Variants in RAD9B observed in about 807,000 individuals in gnomAD.
RAD9B encodes the protein cell cycle checkpoint control protein RAD9B.
A neutral mutation model predicts 48.3 loss-of-function variants in RAD9B; 41 were observed. The observed-to-expected ratio is 0.85, with a 90% CI of 0.66 to 1.10. The LOEUF (loss-of-function observed/expected upper bound fraction) is 1.10, where lower values mean the gene tolerates loss of function less well. Ranked by LOEUF, RAD9B falls within the 50% of genes least tolerant of loss-of-function variation. The probability of loss-of-function intolerance (pLI) is 0.00; values close to 1 mark genes in which losing one functional copy is unlikely to be tolerated. For missense variants in RAD9B, 444 were observed against 485.1 expected (o/e 0.92, Z 0.80); for synonymous variants, 160 against 157.9 (o/e 1.01, Z -0.10).
chr12:110,510,986 G>A (rs2063440912), intron 4 of RAD9B, among the ~76,000 whole-genome samples: 1 of 151,840 alleles, frequency 6.6e-6, no homozygotes, highest in Non-Finnish European at 1.5e-5. Flanking sequence ...AAGAAGGAGG[G>A]AAGGAAGAGA....
intron 10 of RAD9B, among the ~76,000 whole-genome samples, chr12:110,528,552 C>T (rs1029747493): frequency 6.6e-6 from 1 of 152,188 alleles, no homozygotes; most frequent in African/African-American, 2.4e-5. Context: ...TCAGAGGCTG[C>T]TTAGAAGAGG....
At position 110,533,316 on chromosome 12, in the gene RAD9B, T is replaced by C. The variant is rs2064182496; in HGVS notation, c.*2663T>C. ...ATGTATTTACAGAACTATTCCTGCA[T>C]AAGTTATAATTCAGACATCCAAATT... On this transcript the variant is annotated 3_prime_UTR_variant, in exon 11 of 11. Transcript: ENST00000409300. 1.3e-5 allele frequency: 2 copies of C among 152,184 alleles called. No homozygotes were observed. The highest frequency in any genetic ancestry group is 4.1e-4 in the South Asian group (2 of 4,838). The allele number at this position is 152,184 out of a possible 1,614,324, so 9.4% of individuals were successfully genotyped here. A position where few individuals can be genotyped will look rare whatever the true frequency, so the allele number is the denominator to read the frequency against.
chr12:110,519,470 G>A (rs1050099000), intron 8 of RAD9B, among the ~76,000 whole-genome samples: 2 of 151,860 alleles, frequency 1.3e-5, no homozygotes, highest in Non-Finnish European at 2.9e-5. Flanking sequence ...TGCTTTTGTT[G>A]CCCAGGCTGG....
chr12:110,507,440 TATA>T (rs945756743), intron 4 of RAD9B, among the ~76,000 whole-genome samples: 13 of 140,004 alleles, frequency 9.3e-5, no homozygotes, highest in Non-Finnish European at 1.8e-4. Flanking sequence ...ATGTATTAAA[TATA>T]ATATATAACA....
At chr12:110,517,679 T>C (rs2063644256) in intron 6 of RAD9B, among the ~76,000 whole-genome samples, 1 of 151,484 alleles carries the variant, frequency 6.6e-6, no homozygotes, top group Non-Finnish European at 1.5e-5. Context: ...TATAAATACA[T>C]TCCTCTCTCT....
At chr12:110,530,331 C>T (rs1456316655) in intron 10 of RAD9B, among the ~76,000 whole-genome samples, 194 bp from the exon 11 acceptor site, 2 of 152,078 alleles carry the variant, frequency 1.3e-5, no homozygotes, top group Non-Finnish European at 2.9e-5. Context: ...AGGCGTGAGC[C>T]ACCATGCGCG....
intron 9 of RAD9B, among the ~76,000 whole-genome samples, chr12:110,520,628 C>CTTTTTTTTTTTTTTTTTTGTTTTTTTTT (rs2063752795): frequency 1.0e-5 from 1 of 99,968 alleles, no homozygotes; most frequent in African/African-American, 4.0e-5. Context: ...TTCTTGCTTT[C>CTTTTTTTTTTTTTTTTTTGTTTTTTTTT]TTTTTTTTTT....
At chr12:110,509,852 AGGGT>A (rs2063408976) in intron 4 of RAD9B, among the ~76,000 whole-genome samples, 2 of 152,140 alleles carry the variant, frequency 1.3e-5, no homozygotes, top group African/African-American at 4.8e-5. Context: ...TGTAGGTTCT[AGGGT>A]GGCAGGAGTC....
chr12:110,521,635 C>T (rs936173371), intron 9 of RAD9B, among the ~76,000 whole-genome samples: 2 of 148,966 alleles, frequency 1.3e-5, no homozygotes, highest in Non-Finnish European at 3.0e-5. Flanking sequence ...CAGCTCATTG[C>T]AACCTCCGCC....
chr12:110,517,959 C>T (rs527966127), intron 6 of RAD9B, among the ~76,000 whole-genome samples: 103 of 152,084 alleles, frequency 6.8e-4, no homozygotes, highest in African/African-American at 2.3e-3. Context: ...GAGGCTGAGG[C>T]GGGTGGATCA....
At chr12:110,516,531 G>T (rs1259653794) in intron 6 of RAD9B, among the ~76,000 whole-genome samples, 3 of 151,998 alleles carry the variant, frequency 2.0e-5, no homozygotes, top group African/African-American at 7.3e-5. Flanking sequence ...ATATCATTTG[G>T]CCGGGTGCGG....
Position 110,506,611 on chromosome 12 carries a change from C to CCT in RAD9B, c.307_308dup (p.Glu104LeufsTer5). ...TGCCCATCTTTAGATGTCTGAATTCCCTTGAAAGAAATATAGAGAAGTGCA... is the reference window on the plus strand; with the variant it reads ...TGCCCATCTTTAGATGTCTGAATTCCCTCTTGAAAGAAATATAGAGAAGTGCA... On this transcript the variant is annotated frameshift_variant, in exon 4 of 11. Coordinates refer to ENST00000409300, the MANE Select transcript of RAD9B (RefSeq NM_001286535.2). LOFTEE classifies it high-confidence loss of function. 1 of 1,600,364 alleles carries CCT rather than the reference C, an allele frequency of 6.2e-7. No individual in the cohort carries two copies. Among genetic ancestry groups the CCT allele is most frequent in the South Asian group, 1.1e-5 (1 of 90,556 alleles).
At chr12:110,505,295 T>C (rs1031697623) in intron 2 of RAD9B, among the ~76,000 whole-genome samples, 1 of 152,096 alleles carries the variant, frequency 6.6e-6, no homozygotes, top group African/African-American at 2.4e-5. Flanking sequence ...TACATATATG[T>C]ATATATATGC....
Position 110,522,377 on chromosome 12 carries a change from C to T in RAD9B, c.1091C>T (p.Thr364Ile). Residue 364 changes from threonine (T) to isoleucine (I), a missense_variant, in exon 10 of 11, where the codon ACA becomes ATA. Transcript: ENST00000409300. ...SEVSESSVSN[T>I]EEVPGSLCLR... The stretch of plus-strand genomic sequence containing the variant: ...GTATCAGAAAGCAGTGTCAGCAACA[C>T]AGAGGAAGTGCCAGGGTCTCTGTGT... The T allele has an allele frequency of 6.2e-7, 1 of 1,612,518 alleles. No homozygotes were observed. The highest frequency in any genetic ancestry group is 1.1e-5 in the South Asian group (1 of 90,582).
At chr12:110,517,873 T>G (rs1031954640) in intron 6 of RAD9B, among the ~76,000 whole-genome samples, 2 of 151,914 alleles carry the variant, frequency 1.3e-5, no homozygotes, top group Non-Finnish European at 2.9e-5. Context: ...TGAAATGGTA[T>G]GTAGGGTAAG....
intron 4 of RAD9B, among the ~76,000 whole-genome samples, chr12:110,512,347 C>T (rs1408824444): frequency 6.6e-6 from 1 of 151,708 alleles, no homozygotes; most frequent in Non-Finnish European, 1.5e-5. Context: ...CAGGGTTATG[C>T]CATGTTGACC....
chr12:110,508,684 A>T (rs1336149000), intron 4 of RAD9B, among the ~76,000 whole-genome samples: 2 of 151,876 alleles, frequency 1.3e-5, no homozygotes, highest in African/African-American at 2.4e-5. Flanking sequence ...CTGGTCTCAA[A>T]CTCCTGGGCT....
intron 10 of RAD9B, among the ~76,000 whole-genome samples, chr12:110,528,928 A>G (rs1395065346): frequency 6.6e-6 from 1 of 152,104 alleles, no homozygotes; most frequent in Non-Finnish European, 1.5e-5. Context: ...GGGTTTCACC[A>G]TCTTGCTCAG....
intron 6 of RAD9B, among the ~76,000 whole-genome samples, chr12:110,516,475 T>G (rs966648061): frequency 6.6e-6 from 1 of 152,156 alleles, no homozygotes. Flanking sequence ...GCCTTCTTGT[T>G]GGAGATGAAT....
Sources: gnomAD v4.1 joint callset for allele counts (sites outside exome capture counted in the v4.1 genomes callset) on GRCh38, gnomAD v4.1.1 for gene constraint, MANE v1.5 for transcripts, NCBI Gene and HGNC (gene_info 2026-07-23, HGNC 2026-07-21) for gene names.